AMN1: variants seen among roughly 807,000 people sequenced by gnomAD.
AMN1 encodes the protein antagonist of mitotic exit network 1 homolog.
In AMN1, 20 loss-of-function variants were observed where a neutral mutation model predicts 33.0. The ratio of observed to expected loss-of-function variants is 0.61; its 90% CI spans 0.43 to 0.88. The LOEUF (loss-of-function observed/expected upper bound fraction) is 0.88, where lower values mean the gene tolerates loss of function less well. Ranked by LOEUF, AMN1 falls within the 40% of genes least tolerant of loss-of-function variation. AMN1 has a pLI of 0.00. For missense variants in AMN1, 246 were observed against 307.4 expected, an observed-to-expected ratio of 0.80 and a Z score of 1.49; for synonymous variants, 114 against 111.9, an observed-to-expected ratio of 1.02 and a Z score of -0.12.
intron 3 of AMN1, among the ~76,000 whole-genome samples, chr12:31,700,935 C>T (rs1425128506): frequency 2.6e-5 from 4 of 151,964 alleles, no homozygotes; most frequent in Admixed American, 1.3e-4. Flanking sequence ...GTGATCCACC[C>T]GCCTAGGCCT....
At chr12:31,681,237 A>G (rs531643814) in intron 6 of AMN1, among the ~76,000 whole-genome samples, 1 of 151,440 alleles carries the variant, frequency 6.6e-6, no homozygotes. Flanking sequence ...ATTTTTATTT[A>G]TTTTTTTTGA....
intron 3 of AMN1, among the ~76,000 whole-genome samples, chr12:31,699,882 G>T (rs1369439741): frequency 2.0e-5 from 3 of 152,112 alleles, no homozygotes; most frequent in Non-Finnish European, 4.4e-5. Flanking sequence ...AGCGCACCCA[G>T]CTGGTGTCCA....
intron 1 of AMN1, among the ~76,000 whole-genome samples, chr12:31,711,212 T>A (rs1318200065): frequency 1.3e-5 from 2 of 152,130 alleles, no homozygotes; most frequent in African/African-American, 2.4e-5. Flanking sequence ...ATTTTATTTA[T>A]TCTTTCCATT....
In AMN1 at chr12:31,683,952, C is replaced by T. The variant is rs1445619087; in HGVS notation, c.703+5055G>A. Among the ~76,000 whole-genome samples the T allele has an allele frequency of 6.6e-6, 1 of 152,134 alleles. No individual in the cohort carries two copies. The highest frequency in any genetic ancestry group is 1.5e-5 in the Non-Finnish European group (1 of 68,020). On this transcript the variant is annotated intron_variant, in intron 6 of 6. Coordinates refer to ENST00000281471, the MANE Select transcript of AMN1 (RefSeq NM_001113402.2). The surrounding 1 kb of genome is among the most constrained non-coding windows in gnomAD (Gnocchi z 4.1). ...TTAGCTTTCAAGTGAATTTTGGAAG[C>T]CTCGTAGCTGCCACTGTGATCTTGA...
intron 1 of AMN1, among the ~76,000 whole-genome samples, chr12:31,719,850 A>G (rs1939816094): frequency 6.6e-6 from 1 of 152,226 alleles, no homozygotes; most frequent in South Asian, 2.1e-4. Flanking sequence ...AAACAACTCA[A>G]ATTACCATCC....
chr12:31,696,401 T>C (rs1476470407), intron 5 of AMN1, among the ~76,000 whole-genome samples: 1 of 152,018 alleles, frequency 6.6e-6, no homozygotes, highest in Non-Finnish European at 1.5e-5. Flanking sequence ...AATGCACCAC[T>C]GTGCCCTATT....
intron 1 of AMN1, among the ~76,000 whole-genome samples, chr12:31,718,031 C>A (rs1434492180): frequency 6.6e-6 from 1 of 152,130 alleles, no homozygotes; most frequent in Non-Finnish European, 1.5e-5. Flanking sequence ...TGGTTCCATT[C>A]TCTCAATCAC....
chr12:31,728,500 G>A (rs1940173155), intron 1 of AMN1, among the ~76,000 whole-genome samples: 2 of 152,190 alleles, frequency 1.3e-5, no homozygotes, highest in Admixed American at 6.5e-5. Context: ...TGGCAGAGCC[G>A]GGGGCTGAAC....
intron 5 of AMN1, among the ~76,000 whole-genome samples, chr12:31,692,122 C>A (rs976854123): frequency 6.6e-6 from 1 of 151,692 alleles, no homozygotes; most frequent in African/African-American, 2.4e-5. Flanking sequence ...AGTGATCCAC[C>A]CGCCTCAGCC....
chr12:31,679,129 G>A (rs1027869744), intron 6 of AMN1, among the ~76,000 whole-genome samples: 3 of 151,822 alleles, frequency 2.0e-5, no homozygotes, highest in South Asian at 2.1e-4. Context: ...CCAACATGGC[G>A]AAACCCCGTC....
chr12:31,728,948 G>T, intron 1 of AMN1, 23 bp downstream of exon 1: 2 of 1,541,454 alleles, frequency 1.3e-6, no homozygotes, highest in Non-Finnish European at 1.8e-6. Flanking sequence ...GGCGCGAAGG[G>T]AGGCGGGACA....
At chr12:31,719,404 A>G (rs1356310465) in intron 1 of AMN1, 4 of 745,218 alleles carry the variant, frequency 5.4e-6, no homozygotes, top group Non-Finnish European at 6.5e-6. Flanking sequence ...AATGTAGAGA[A>G]AAGGTTAGAC....
In AMN1 at chr12:31,687,137, C is replaced by T. The variant is rs886253508; in HGVS notation, c.703+1870G>A. On this transcript the variant is annotated intron_variant, in intron 6 of 6. Transcript: ENST00000281471. The surrounding 1 kb of genome is among the most constrained non-coding windows in gnomAD (Gnocchi z 4.1). ...GTGATCCACCCACCTTAGCCTCCCACAGTGCTGGGATTACAGGCATAAACC... is the reference window on the plus strand; with the variant it reads ...GTGATCCACCCACCTTAGCCTCCCATAGTGCTGGGATTACAGGCATAAACC... Among the ~76,000 whole-genome samples, 1 of 151,964 alleles carries T rather than the reference C, an allele frequency of 6.6e-6. No individual in the cohort carries two copies. Among genetic ancestry groups the T allele is most frequent in the Non-Finnish European group, 1.5e-5 (1 of 67,972 alleles).
rs528964546 is a variant in AMN1, at chr12:31,676,511, A to T, written c.704-4134T>A. Among the ~76,000 whole-genome samples the T allele has an allele frequency of 3.9e-3, 586 of 150,860 alleles. 1 individual carries two copies. The highest frequency in any genetic ancestry group is 6.1e-3 in the Non-Finnish European group (416 of 67,822). On this transcript the variant is annotated intron_variant, in intron 6 of 6. Transcript: ENST00000281471. ...TAATTTTTTTGTATTTTTAGTAGAG[A>T]TGGGGTTTCACCATGTTAGCCAGGA...
intron 6 of AMN1, among the ~76,000 whole-genome samples, chr12:31,673,277 C>T (rs940803187): frequency 6.6e-6 from 1 of 150,582 alleles, no homozygotes; most frequent in Non-Finnish European, 1.5e-5. Context: ...AAAAGATGGG[C>T]CCAACATATA....
Position 31,683,074 on chromosome 12 carries a change from T to TG in AMN1, c.703+5932dup, listed in dbSNP as rs1329541676. 6.6e-6 allele frequency among the ~76,000 whole-genome samples: 1 copy of TG among 151,692 alleles called. No individual in the cohort carries two copies. The highest frequency in any genetic ancestry group is 1.9e-4 in the East Asian group (1 of 5,172). The stretch of plus-strand genomic sequence containing the variant: ...GCCCCCCAGGCTCAAGTGATCCTCA[T>TG]GCGTCAGCCATCAGAGTAGCTGGGA... On this transcript the variant is annotated intron_variant, in intron 6 of 6. Transcript: ENST00000281471. The surrounding 1 kb of genome is among the most constrained non-coding windows in gnomAD (Gnocchi z 4.1).
At chr12:31,709,871 C>T (rs1939400622) in intron 1 of AMN1, among the ~76,000 whole-genome samples, 2 of 152,082 alleles carry the variant, frequency 1.3e-5, no homozygotes, top group Admixed American at 1.3e-4. Flanking sequence ...ATATTTACAA[C>T]TTTAGCTCTG....
In AMN1 at chr12:31,672,355, C is replaced by A; in HGVS notation, c.726G>T (p.Glu242Asp). 1 of 1,576,762 alleles carries A rather than the reference C, an allele frequency of 6.3e-7. No individual in the cohort carries two copies. Among genetic ancestry groups the A allele is most frequent in the Non-Finnish European group, 8.6e-7 (1 of 1,159,136 alleles). Residue 242 changes from glutamate to aspartate, a missense_variant, in exon 7 of 7, where the codon GAG becomes GAT. Glu to Asp is a conservative substitution (Grantham distance 45). Coordinates refer to ENST00000281471, the MANE Select transcript of AMN1 (RefSeq NM_001113402.2). Reference sequence around the variant, plus strand: ...TTAGTTTGTTTGGGCCTACTAATTGCTCCAACACTTCTCGGGAATGATCTA... The same window carrying A: ...TTAGTTTGTTTGGGCCTACTAATTGATCCAACACTTCTCGGGAATGATCTA... ...LITDHSREVL[E>D]QLVGPNKLKQ...
intron 6 of AMN1, among the ~76,000 whole-genome samples, chr12:31,682,878 A>T (rs930217165): frequency 3.9e-5 from 6 of 152,164 alleles, no homozygotes; most frequent in African/African-American, 1.4e-4. Context: ...AAATATTTTG[A>T]ACTCCTGCCA....
Sources: gnomAD v4.1 joint callset for allele counts (sites outside exome capture counted in the v4.1 genomes callset) on GRCh38, gnomAD v4.1.1 for gene constraint, Gnocchi (gnomAD v3.1) non-coding constraint, MANE v1.5 for transcripts, NCBI Gene and HGNC (gene_info 2026-07-23, HGNC 2026-07-21) for gene names.